Variants in ZFYVE26 observed in about 807,000 individuals in gnomAD.
ZFYVE26 encodes the protein zinc finger FYVE domain-containing protein 26.
Under a neutral mutation model 276.5 loss-of-function variants are expected in ZFYVE26, and 181 were observed. The ratio of observed to expected loss-of-function variants is 0.65; its 90% CI spans 0.58 to 0.74. The LOEUF (loss-of-function observed/expected upper bound fraction) is 0.74. ZFYVE26 is among the 30% of genes least tolerant of loss of function. The pLI is 0.00. For missense variants in ZFYVE26, 2,821 were observed against 3,097.9 expected, an observed-to-expected ratio of 0.91 and a Z score of 2.12; for synonymous variants, 1,129 against 1,203.1, an observed-to-expected ratio of 0.94 and a Z score of 1.27.
At chr14:67,751,308 A>G in intron 40 of ZFYVE26, 2 of 622,954 alleles carry the variant, frequency 3.2e-6, no homozygotes, top group East Asian at 5.6e-5. Context: ...ATAGCAAAGG[A>G]ATTTTAACCT....
intron 28 of ZFYVE26, chr14:67,769,977 T>C: frequency 9.2e-6 from 5 of 545,728 alleles, no homozygotes; most frequent in South Asian, 2.0e-5. Context: ...CAAGTTCTAC[T>C]TGTGTATGGA....
In ZFYVE26 at chr14:67,793,640, T is replaced by C. The variant is rs2039878308; in HGVS notation, c.2521A>G (p.Ile841Val). ...GCTTCTGCGAAGTTCCCGCGAAGGATGCAGGATGCCAGCAGTGACTCAGGT... is the reference window on the plus strand; with the variant it reads ...GCTTCTGCGAAGTTCCCGCGAAGGACGCAGGATGCCAGCAGTGACTCAGGT... ...SPPESLLASC[I>V]LRGNFAEAHQ... is the part of the protein sequence containing the mutation. The change falls in exon 14 of 42, where the codon ATC becomes GTC. Residue 841 changes from isoleucine to valine, a missense_variant. By Grantham distance (29) the Ile-to-Val change is conservative. Transcript: ENST00000347230. The C allele has an allele frequency of 1.2e-6, 2 of 1,613,682 alleles. No individual in the cohort carries two copies. The highest frequency in any genetic ancestry group is 1.7e-6 in the Non-Finnish European group (2 of 1,179,838).
chr14:67,783,840 T>C (rs1170413620), intron 20 of ZFYVE26, among the ~76,000 whole-genome samples: 1 of 152,248 alleles, frequency 6.6e-6, no homozygotes, highest in Non-Finnish European at 1.5e-5. Flanking sequence ...TTCTGATCTG[T>C]TGGTACTATA....
At chr14:67,756,635 TTCTG>T (rs887385952) in intron 35 of ZFYVE26, among the ~76,000 whole-genome samples, 2 of 152,208 alleles carry the variant, frequency 1.3e-5, no homozygotes, top group African/African-American at 2.4e-5. Flanking sequence ...TCTCCAGATT[TTCTG>T]TCTATGTCTT....
chr14:67,791,991 C>T (rs2039826314), intron 14 of ZFYVE26, among the ~76,000 whole-genome samples: 1 of 146,506 alleles, frequency 6.8e-6, no homozygotes, highest in Admixed American at 7.0e-5. Context: ...TCCCAGGAGG[C>T]AAAGACTGCA....
At chr14:67,809,137 T>C (rs1464715065) in intron 4 of ZFYVE26, 63 bp downstream of exon 4, 1 of 1,414,636 alleles carries the variant, frequency 7.1e-7, no homozygotes, top group South Asian at 1.1e-5. Flanking sequence ...TCTGGGTCCA[T>C]GGAAGCTAAG....
chr14:67,805,135 A>G (rs2040150308), intron 8 of ZFYVE26, 82 bp downstream of exon 8: 1 of 1,358,082 alleles, frequency 7.4e-7, no homozygotes, highest in Non-Finnish European at 1.0e-6. Context: ...TATGTGGAAA[A>G]CGCCTTGAAA....
chr14:67,793,530 T>A (rs2039874555), intron 14 of ZFYVE26, 78 bp downstream of exon 14: 4 of 1,530,456 alleles, frequency 2.6e-6, no homozygotes, highest in Non-Finnish European at 2.7e-6. Context: ...TGCTCCCAGG[T>A]GGCTCTGGTT....
chr14:67,802,352 AAG>A (rs2040095292), intron 9 of ZFYVE26, 70 bp from the exon 10 acceptor site: 12 of 1,501,698 alleles, frequency 8.0e-6, no homozygotes, highest in Non-Finnish European at 1.8e-6. Context: ...GGGTGAAGCA[AAG>A]AGATGCTGTG....
chr14:67,765,954 A>G (rs2039045152), intron 32 of ZFYVE26, among the ~76,000 whole-genome samples: 1 of 152,204 alleles, frequency 6.6e-6, no homozygotes, highest in Non-Finnish European at 1.5e-5. Context: ...TCAACTAATG[A>G]AAGTCTTTAC....
rs758298332 is a variant in ZFYVE26 at position 67,769,576 on chromosome 14, C to T, written c.5621+18G>A. The T allele has an allele frequency of 5.0e-6, 8 of 1,612,500 alleles. No homozygotes were observed. Among genetic ancestry groups the T allele is most frequent in the Non-Finnish European group, 6.8e-6 (8 of 1,179,396 alleles). ...GCAGCGGTCAATAATAGCAACAGCC[C>T]TGCTGTAGGACACTCACTCTTTGTT... On this transcript the variant is annotated intron_variant, in intron 29 of 41. Transcript: ENST00000347230.
At chr14:67,770,463 C>CAAAAAA (rs11418807) in intron 28 of ZFYVE26, 1 of 108,098 alleles carries the variant, frequency 9.3e-6, no homozygotes. Flanking sequence ...GACTCTGTCT[C>CAAAAAA]AAAAAAAAAA....
downstream of ZFYVE26, among the ~76,000 whole-genome samples, chr14:67,745,282 G>A (rs1043850744): frequency 1.1e-4 from 17 of 152,060 alleles, no homozygotes; most frequent in African/African-American, 4.1e-4. Flanking sequence ...ATTTATTTAA[G>A]TTCCTTGTAG....
At chr14:67,792,324 G>A (rs532906544) in intron 14 of ZFYVE26, among the ~76,000 whole-genome samples, 1 of 151,942 alleles carries the variant, frequency 6.6e-6, no homozygotes, top group Admixed American at 6.6e-5. Flanking sequence ...TGCCAAGAGG[G>A]TTTTAAAAAT....
intron 26 of ZFYVE26, 136 bp from the exon 27 acceptor site, chr14:67,775,250 G>C (rs1030136384): frequency 9.7e-6 from 6 of 615,756 alleles, no homozygotes; most frequent in African/African-American, 9.3e-5. Flanking sequence ...TAAGAGAATG[G>C]AGGAGGTACC....
chr14:67,773,852 C>A (rs1460074091), intron 27 of ZFYVE26, among the ~76,000 whole-genome samples: 3 of 152,166 alleles, frequency 2.0e-5, no homozygotes, highest in African/African-American at 7.2e-5. Context: ...ACCTTAGAAT[C>A]CTGCTCCTTT....
At position 67,785,892 on chromosome 14, in the gene ZFYVE26, G is replaced by A; in HGVS notation, c.3270C>T (p.Val1090=). 1.2e-6 allele frequency: 2 copies of A among 1,614,156 alleles called. No individual in the cohort carries two copies. Among genetic ancestry groups the A allele is most frequent in the Non-Finnish European group, 1.7e-6 (2 of 1,180,030 alleles). ...CTAGTGCCTCTCTCAGTGACTGAAG[G>A]ACCTGATCTAGCTGCTGGGAGAGGG... ...HTTLSQQLDQ[V]LQSLREALEL... is the part of the protein sequence containing the mutation. Residue 1090 remains valine, a synonymous_variant, in exon 18 of 42, where the codon GTC becomes GTT. Coordinates refer to ENST00000347230, the MANE Select transcript of ZFYVE26 (RefSeq NM_015346.4).
rs547384687 is a variant in ZFYVE26 at position 67,753,762 on chromosome 14, A to G, written c.7133T>C (p.Met2378Thr). ...ATCTTCTACATTTTTCCCTCCCAGC[A>G]TGACCTGAAAAGGAAAGGGAATCAT... ...HMKMDVACKVMLGGKNVEDGF... is the reference protein window; with the variant it reads ...HMKMDVACKVTLGGKNVEDGF... Residue 2378 changes from methionine to threonine, a missense_variant, in exon 39 of 42, where the codon ATG becomes ACG. Physicochemically the swap from Met to Thr is moderately conservative, Grantham distance 81. Coordinates refer to ENST00000347230, the MANE Select transcript of ZFYVE26 (RefSeq NM_015346.4). 1.2e-6 allele frequency: 2 copies of G among 1,612,978 alleles called. No individual in the cohort carries two copies. Among genetic ancestry groups the G allele is most frequent in the Non-Finnish European group, 1.7e-6 (2 of 1,179,602 alleles).
At chr14:67,744,414 TTTTAC>T (rs577061823), downstream of ZFYVE26, among the ~76,000 whole-genome samples, 524 of 152,298 alleles carry the variant, frequency 3.4e-3, 2 homozygotes, top group South Asian at 6.6e-3. Flanking sequence ...TTATTATTTA[TTTTAC>T]TTTAAGTTCT....
Sources: gnomAD v4.1 joint callset for allele counts (sites outside exome capture counted in the v4.1 genomes callset) on GRCh38, gnomAD v4.1.1 for gene constraint, MANE v1.5 for transcripts, NCBI Gene and HGNC (gene_info 2026-07-23, HGNC 2026-07-21) for gene names.